KLHL1: variants seen among roughly 807,000 people sequenced by gnomAD.
KLHL1 encodes kelch-like protein 1.
A neutral mutation model predicts 77.7 loss-of-function variants in KLHL1; 47 were observed. The ratio of observed to expected loss-of-function variants is 0.60; its 90% CI spans 0.48 to 0.77. KLHL1 has a LOEUF of 0.77. Ranked by LOEUF, KLHL1 falls within the 30% of genes least tolerant of loss-of-function variation. The pLI, the probability that KLHL1 is intolerant of heterozygous loss-of-function variation, is 0.00. For missense variants in KLHL1, 925 were observed against 910.8 expected (o/e 1.02, Z -0.20); for synonymous variants, 360 against 325.2 (o/e 1.11, Z -1.15).
At chr13:69,754,386 A>T (rs1874617583) in intron 7 of KLHL1, among the ~76,000 whole-genome samples, 1 of 152,168 alleles carries the variant, frequency 6.6e-6, no homozygotes, top group Admixed American at 6.6e-5. Context: ...TTAATAAGGG[A>T]CAAGGACATA....
At chr13:70,019,832 T>A (rs1036384612) in intron 1 of KLHL1, among the ~76,000 whole-genome samples, 3 of 152,180 alleles carry the variant, frequency 2.0e-5, no homozygotes, top group Non-Finnish European at 4.4e-5. Context: ...GAACTTTATC[T>A]CAAATGCGAC....
At chr13:70,097,880 C>A (rs1471573152) in intron 1 of KLHL1, among the ~76,000 whole-genome samples, 1 of 123,070 alleles carries the variant, frequency 8.1e-6, no homozygotes, top group Non-Finnish European at 1.7e-5. Context: ...TGTTTGATTT[C>A]CTTTCTGTTT....
chr13:70,055,906 A>C (rs1041468156), intron 1 of KLHL1, among the ~76,000 whole-genome samples: 1 of 152,080 alleles, frequency 6.6e-6, no homozygotes, highest in South Asian at 2.1e-4. Flanking sequence ...AGAAAGGGGG[A>C]AAAAAGACCA....
intron 1 of KLHL1, among the ~76,000 whole-genome samples, chr13:70,010,015 T>A (rs1460353767): frequency 6.6e-6 from 1 of 151,428 alleles, no homozygotes. Flanking sequence ...CTATGGAAAG[T>A]GCATTACAAG....
chr13:69,925,180 A>G (rs1447991073), intron 4 of KLHL1, among the ~76,000 whole-genome samples: 1 of 152,162 alleles, frequency 6.6e-6, no homozygotes, highest in Non-Finnish European at 1.5e-5. Flanking sequence ...ATCCCATAAC[A>G]GTATTATGGT....
chr13:70,017,659 A>T (rs1163311919), intron 1 of KLHL1, among the ~76,000 whole-genome samples: 1 of 152,246 alleles, frequency 6.6e-6, no homozygotes, highest in African/African-American at 2.4e-5. Context: ...AGCAATACTC[A>T]GACCGAAGGT....
intron 1 of KLHL1, among the ~76,000 whole-genome samples, chr13:70,097,493 T>C (rs1030726837): frequency 3.3e-5 from 5 of 152,106 alleles, no homozygotes; most frequent in Non-Finnish European, 7.4e-5. Context: ...TTGAATTATT[T>C]AAGCAACAAT....
chr13:69,858,365 A>G (rs1880005218), intron 5 of KLHL1, among the ~76,000 whole-genome samples: 2 of 152,146 alleles, frequency 1.3e-5, no homozygotes, highest in Admixed American at 1.3e-4. Context: ...ACTGTTAACC[A>G]CATGGAGTTC....
intron 1 of KLHL1, among the ~76,000 whole-genome samples, chr13:70,033,963 G>C (rs1018858249): frequency 6.6e-6 from 1 of 151,910 alleles, no homozygotes; most frequent in Admixed American, 6.6e-5. Flanking sequence ...TAATACGGAC[G>C]AAATATAAAA....
chr13:69,882,153 C>G, intron 5 of KLHL1, 130 bp downstream of exon 5: 1 of 668,508 alleles, frequency 1.5e-6, no homozygotes, highest in Non-Finnish European at 2.6e-6. Context: ...TCAAATTTAA[C>G]TTAAAAGTAG....
intron 8 of KLHL1, among the ~76,000 whole-genome samples, chr13:69,737,981 G>A (rs1296577041): frequency 1.3e-5 from 2 of 152,152 alleles, no homozygotes; most frequent in East Asian, 3.9e-4. Flanking sequence ...GTACAGCAGT[G>A]TTCAGGCTGG....
chr13:69,749,978 G>C (rs894273431), intron 7 of KLHL1, among the ~76,000 whole-genome samples: 38 of 151,658 alleles, frequency 2.5e-4, no homozygotes, highest in Non-Finnish European at 8.9e-5. Flanking sequence ...TTTACTGTTT[G>C]CCTGTTAGCC....
intron 6 of KLHL1, among the ~76,000 whole-genome samples, chr13:69,814,416 G>A (rs1265433933): frequency 6.6e-6 from 1 of 152,036 alleles, no homozygotes; most frequent in Non-Finnish European, 1.5e-5. Context: ...TAATTAAACT[G>A]AAGAGCTTTG....
intron 6 of KLHL1, among the ~76,000 whole-genome samples, chr13:69,833,523 T>C (rs913651289): frequency 3.3e-5 from 5 of 151,818 alleles, no homozygotes; most frequent in Non-Finnish European, 5.9e-5. Context: ...TAAACTAGTA[T>C]GACCACTATA....
At chr13:69,702,835 G>A (rs1465052656) in intron 10 of KLHL1, among the ~76,000 whole-genome samples, 2 of 151,662 alleles carry the variant, frequency 1.3e-5, no homozygotes, top group Non-Finnish European at 3.0e-5. Context: ...GAAGGAGCAT[G>A]TGAATATATT....
intron 1 of KLHL1, among the ~76,000 whole-genome samples, chr13:70,024,402 A>G (rs2137356430): frequency 6.6e-6 from 1 of 151,866 alleles, no homozygotes; most frequent in South Asian, 2.1e-4. Flanking sequence ...ATTGAGGAAA[A>G]AACTCAGGGG....
intron 4 of KLHL1, among the ~76,000 whole-genome samples, chr13:69,886,572 T>C (rs1881228128): frequency 6.6e-6 from 1 of 151,974 alleles, no homozygotes; most frequent in African/African-American, 2.4e-5. Context: ...CTAATGGTAA[T>C]ATTGTATCAA....
intron 1 of KLHL1, among the ~76,000 whole-genome samples, chr13:70,086,707 A>T (rs7990011): frequency 0.21 from 31,386 of 146,110 alleles, 3,608 homozygotes; most frequent in Admixed American, 0.28. Flanking sequence ...CCCTTTTCAA[A>T]CTTTTTTTTT....
chr13:70,044,704 T>C (rs1886454496), intron 1 of KLHL1, among the ~76,000 whole-genome samples: 2 of 152,206 alleles, frequency 1.3e-5, no homozygotes, highest in Admixed American at 1.3e-4. Context: ...TTGTTGGTAT[T>C]ATTTTGACTT....
Sources: gnomAD v4.1 joint callset for allele counts (sites outside exome capture counted in the v4.1 genomes callset) on GRCh38, gnomAD v4.1.1 for gene constraint, MANE v1.5 for transcripts, NCBI Gene and HGNC (gene_info 2026-07-23, HGNC 2026-07-21) for gene names.